The following SYNE2 variants were observed in gnomAD, a reference collection of about 807,000 sequenced individuals.
The protein encoded by SYNE2 is spectrin repeat containing nuclear envelope protein 2.
Under a neutral mutation model 856.3 loss-of-function variants are expected in SYNE2, and 431 were observed. That is an observed-to-expected ratio of 0.50 (90% CI 0.47 to 0.55). The LOEUF is 0.55. Ranked by LOEUF, SYNE2 falls within the 20% of genes least tolerant of loss-of-function variation. SYNE2 has a pLI of 0.00. For missense variants in SYNE2, 8,129 were observed against 8,023.2 expected (o/e 1.01, Z -0.50); for synonymous variants, 2,923 against 2,872.3 (o/e 1.02, Z -0.56).
intron 99 of SYNE2, among the ~76,000 whole-genome samples, chr14:64,201,650 C>T (rs2098567326): frequency 6.6e-6 from 1 of 152,052 alleles, no homozygotes; most frequent in Non-Finnish European, 1.5e-5. Flanking sequence ...GCTACAGAAC[C>T]AAAGGTGGGC....
chr14:63,823,524 A>G (rs1566590417), intron 1 of SYNE2, among the ~76,000 whole-genome samples: 1 of 151,582 alleles, frequency 6.6e-6, no homozygotes, highest in Non-Finnish European at 1.5e-5. Context: ...TACTTCACAA[A>G]CTCTCAAAAA....
intron 99 of SYNE2, among the ~76,000 whole-genome samples, chr14:64,194,472 GTTGT>G (rs1303808158): frequency 6.6e-6 from 1 of 151,990 alleles, no homozygotes; most frequent in African/African-American, 2.4e-5. Flanking sequence ...GTTTGCTTTT[GTTGT>G]TTGTTTTTTG....
chr14:63,814,808 CCATATATATA>C (rs1429943657), intron 1 of SYNE2, among the ~76,000 whole-genome samples: 6 of 61,908 alleles, frequency 9.7e-5, no homozygotes, highest in African/African-American at 3.0e-4. Flanking sequence ...CCATATATAT[CCATATATATA>C]TCCATATATA....
At chr14:64,212,788 C>G (rs1241451542) in intron 104 of SYNE2, 23 bp from the exon 105 acceptor site, 2 of 1,612,834 alleles carry the variant, frequency 1.2e-6, no homozygotes, top group Non-Finnish European at 1.7e-6. Context: ...CTTTGAAATC[C>G]TTTCTTTCTC....
chr14:64,147,743 G>A (rs1374758395), intron 84 of SYNE2, among the ~76,000 whole-genome samples: 2 of 152,170 alleles, frequency 1.3e-5, no homozygotes, highest in South Asian at 2.1e-4. Flanking sequence ...TGCATGAAAG[G>A]CAGACATAGT....
chr14:64,058,751 G>A (rs2097293405), intron 49 of SYNE2, among the ~76,000 whole-genome samples: 1 of 152,182 alleles, frequency 6.6e-6, no homozygotes, highest in South Asian at 2.1e-4. Context: ...AAAGTGTTGG[G>A]ATTACAAGTG....
Position 63,948,616 on chromosome 14 carries a change from G to GC in SYNE2, c.409-1208dup. 2.0e-5 allele frequency among the ~76,000 whole-genome samples: 3 copies of GC among 148,476 alleles called. No homozygotes were observed. The South Asian group carries it at 6.4e-4, about 32-fold the overall frequency. ...GCGGAGGTTGCAGTGAGCCGAGATT[G>GC]CACCACTGCCCTCCAGCGTGGGCGA... is the stretch of plus-strand genomic sequence containing the variant. On this transcript the variant is annotated intron_variant, in intron 6 of 115. Coordinates refer to ENST00000555002, the MANE Select transcript of SYNE2 (RefSeq NM_182914.3).
chr14:63,908,437 G>A (rs1375933743), intron 1 of SYNE2, among the ~76,000 whole-genome samples: 7 of 152,122 alleles, frequency 4.6e-5, no homozygotes, highest in Non-Finnish European at 1.0e-4. Flanking sequence ...AATACATGAA[G>A]CAATGCTTTT....
chr14:63,970,285 C>T (rs1366536814), intron 11 of SYNE2, among the ~76,000 whole-genome samples: 1 of 152,136 alleles, frequency 6.6e-6, no homozygotes, highest in Non-Finnish European at 1.5e-5. Flanking sequence ...GCCTCCTAGG[C>T]TCAAGCCATC....
chr14:64,191,088 A>G lies in SYNE2; in HGVS notation c.18038+851A>G, dbSNP rs952590121. On this transcript the variant is annotated intron_variant, in intron 99 of 115. Transcript: ENST00000555002. Reference sequence around the variant, plus strand: ...GAATTTGGAATATACAGGAGAACCTATAAGGTGAATAAAGAATTGGGAGGT... The same window carrying G: ...GAATTTGGAATATACAGGAGAACCTGTAAGGTGAATAAAGAATTGGGAGGT... 36 of 692,512 alleles carry G rather than the reference A, an allele frequency of 5.2e-5. No individual in the cohort carries two copies. In the Admixed American group the frequency reaches 5.2e-4, roughly 10 times the overall value. The allele number at this position is 692,512 out of a possible 1,614,324, so 42.9% of individuals were successfully genotyped here. A position where few individuals can be genotyped will look rare whatever the true frequency, so the allele number is the denominator to read the frequency against.
chr14:63,851,614 G>A (rs968765845), upstream of SYNE2, among the ~76,000 whole-genome samples: 31 of 152,206 alleles, frequency 2.0e-4, no homozygotes, highest in African/African-American at 7.2e-4. Flanking sequence ...AAACGTTTTT[G>A]AAACAATTGT....
chr14:64,049,670 A>G lies in SYNE2; in HGVS notation c.7437A>G (p.Glu2479=). The G allele has an allele frequency of 6.2e-7, 1 of 1,614,180 alleles. No homozygotes were observed. Among genetic ancestry groups the G allele is most frequent in the Non-Finnish European group, 8.5e-7 (1 of 1,180,014 alleles). The part of the protein sequence containing the change: ...KAAIKPLEQT[E]CLNKTETGAL... ...CCATTAAGCCACTGGAACAAACAGAATGTCTTAACAAAACAGAAACTGGGG... is the reference window on the plus strand; with the variant it reads ...CCATTAAGCCACTGGAACAAACAGAGTGTCTTAACAAAACAGAAACTGGGG... Residue 2479 remains glutamate, a synonymous_variant, in exon 47 of 116, where the codon GAA becomes GAG. Transcript: ENST00000555002.
At chr14:64,190,427 C>T (rs1451544454) in intron 99 of SYNE2, among the ~76,000 whole-genome samples, 190 bp downstream of exon 99, 2 of 152,058 alleles carry the variant, frequency 1.3e-5, no homozygotes, top group African/African-American at 4.8e-5. Flanking sequence ...GTATATCCCA[C>T]CTTAATATTT....
At chr14:64,212,630 A>G (rs2098647187) in intron 104 of SYNE2, among the ~76,000 whole-genome samples, 181 bp from the exon 105 acceptor site, 1 of 152,236 alleles carries the variant, frequency 6.6e-6, no homozygotes, top group Non-Finnish European at 1.5e-5. Context: ...GAATATAGAC[A>G]ATCACTTAAA....
intron 45 of SYNE2, among the ~76,000 whole-genome samples, chr14:64,037,285 G>T (rs920467237): frequency 6.6e-5 from 10 of 151,794 alleles, no homozygotes; most frequent in South Asian, 2.1e-4. Flanking sequence ...GCGGCCTTCC[G>T]CAGTGTTTGT....
At chr14:63,939,925 A>G (rs1341213016) in intron 2 of SYNE2, among the ~76,000 whole-genome samples, 5 of 152,190 alleles carry the variant, frequency 3.3e-5, no homozygotes, top group South Asian at 2.1e-4. Flanking sequence ...TAATGATTTC[A>G]TGTGCCATTT....
Position 64,027,503 on chromosome 14 carries a change from C to G in SYNE2, c.6424C>G (p.Leu2142Val), listed in dbSNP as rs370253440. ...TYLSHQEKLLLEGEKYLQSKE... is the reference protein window; with the variant it reads ...TYLSHQEKLLVEGEKYLQSKE... ...ATTTAGCCATCAAGAAAAGCTTCTACTAGAAGGAGAGAAATATTTACAAAG... is the reference window on the plus strand; with the variant it reads ...ATTTAGCCATCAAGAAAAGCTTCTAGTAGAAGGAGAGAAATATTTACAAAG... Residue 2142 changes from leucine to valine, a missense_variant, in exon 43 of 116, where the codon CTA becomes GTA. By Grantham distance (32) the Leu-to-Val change is conservative. Transcript: ENST00000555002. The G allele has an allele frequency of 1.3e-6, 2 of 1,596,668 alleles. No individual in the cohort carries two copies. Among genetic ancestry groups the G allele is most frequent in the African/African-American group, 2.7e-5 (2 of 74,038 alleles).
chr14:63,772,522 T>C (rs1886955989), intron 1 of SYNE2, among the ~76,000 whole-genome samples: 1 of 151,942 alleles, frequency 6.6e-6, no homozygotes, highest in African/African-American at 2.4e-5. Flanking sequence ...GGTGGATGGA[T>C]TACTTGAGCA....
intron 1 of SYNE2, among the ~76,000 whole-genome samples, chr14:63,813,691 A>G (rs1424140961): frequency 1.3e-5 from 2 of 152,170 alleles, no homozygotes; most frequent in Non-Finnish European, 2.9e-5. Context: ...TGGGAGGCCC[A>G]GGGGAGTGGA....
Sources: allele counts gnomAD v4.1 joint callset (sites outside exome capture counted in the v4.1 genomes callset), GRCh38; gene constraint gnomAD v4.1.1; transcripts MANE v1.5; gene names NCBI Gene and HGNC (gene_info 2026-07-23, HGNC 2026-07-21).